The following HMCN1 variants were observed in gnomAD, a reference collection of about 807,000 sequenced individuals.
HMCN1 encodes the protein hemicentin-1.
Under a neutral mutation model 625.9 loss-of-function variants are expected in HMCN1, and 321 were observed. That is an observed-to-expected ratio of 0.51 (90% CI 0.47 to 0.56). The LOEUF is 0.56. Ranked by LOEUF, HMCN1 falls within the 20% of genes least tolerant of loss-of-function variation. HMCN1 has a pLI of 0.00. For synonymous variants in HMCN1, 2,425 were observed against 2,417.6 expected (o/e 1.00, Z -0.09); for missense variants, 6,588 against 6,887.3 (o/e 0.96, Z 1.54).
intron 6 of HMCN1, among the ~76,000 whole-genome samples, chr1:185,913,201 C>T (rs1427320489): frequency 6.6e-6 from 1 of 152,148 alleles, no homozygotes; most frequent in African/African-American, 2.4e-5. Flanking sequence ...GGTGAAAAGG[C>T]ATGTGAAAGA....
chr1:185,781,622 G>A lies in HMCN1; in HGVS notation c.268+46575G>A, dbSNP rs181492660. Among the ~76,000 whole-genome samples the A allele has an allele frequency of 7.4e-3, 1,126 of 152,300 alleles. 9 individuals are homozygous for A. The highest frequency in any genetic ancestry group is 9.9e-3 in the Non-Finnish European group (673 of 68,018). Reference sequence around the variant, plus strand: ...CGTTATGTACCCAGTGGTCATTCAGGAACAGGTTGTTCAGTTTCCATGTAG... The same window carrying A: ...CGTTATGTACCCAGTGGTCATTCAGAAACAGGTTGTTCAGTTTCCATGTAG... On this transcript the variant is annotated intron_variant, in intron 1 of 106. Transcript: ENST00000271588.
chr1:185,861,138 G>A (rs1397056858), intron 2 of HMCN1, among the ~76,000 whole-genome samples: 1 of 152,082 alleles, frequency 6.6e-6, no homozygotes, highest in Non-Finnish European at 1.5e-5. Flanking sequence ...TAATGTTTCA[G>A]GATTCCTAGG....
chr1:186,078,286 G>T, intron 55 of HMCN1, 66 bp downstream of exon 55: 3 of 1,156,800 alleles, frequency 2.6e-6, no homozygotes, highest in Non-Finnish European at 3.8e-6. Flanking sequence ...ACTAATGTTT[G>T]CAGGATGTTA....
chr1:185,792,202 C>T (rs779154046), intron 1 of HMCN1, among the ~76,000 whole-genome samples: 3 of 152,130 alleles, frequency 2.0e-5, no homozygotes, highest in Non-Finnish European at 4.4e-5. Flanking sequence ...GGGCCATCAC[C>T]ATGCTAATAA....
Position 186,088,762 on chromosome 1 carries a change from A to C in HMCN1, c.9727+7A>C, listed in dbSNP as rs1339705379. 6.2e-7 allele frequency: 1 copy of C among 1,602,720 alleles called. No individual in the cohort carries two copies. Among genetic ancestry groups the C allele is most frequent in the Admixed American group, 1.7e-5 (1 of 59,256 alleles). On this transcript the variant is annotated splice_region_variant and intron_variant, in intron 63 of 106. Transcript: ENST00000271588. ...TACTTTCTTTCAATTCAAGGTATGT[A>C]TTGTCCACTATGATCTATCTTCAAT...
chr1:185,833,487 T>A (rs1015170461), intron 1 of HMCN1, among the ~76,000 whole-genome samples: 2 of 152,234 alleles, frequency 1.3e-5, no homozygotes, highest in Non-Finnish European at 2.9e-5. Flanking sequence ...AGAAGTAGTG[T>A]GTTTGCCAGT....
At chr1:185,990,508 T>G in intron 22 of HMCN1, 65 bp downstream of exon 22, 3 of 1,388,712 alleles carry the variant, frequency 2.2e-6, no homozygotes, top group Non-Finnish European at 3.1e-6. Context: ...CAGATGGCCA[T>G]GCCTATTCAG....
chr1:185,964,194 AAATT>A (rs1419059873), intron 13 of HMCN1, among the ~76,000 whole-genome samples: 1 of 152,110 alleles, frequency 6.6e-6, no homozygotes, highest in Non-Finnish European at 1.5e-5. Context: ...TTTTACTTTT[AAATT>A]AATAAATTCT....
At chr1:185,823,576 C>T (rs1660329304) in intron 1 of HMCN1, among the ~76,000 whole-genome samples, 1 of 152,192 alleles carries the variant, frequency 6.6e-6, no homozygotes, top group South Asian at 2.1e-4. Flanking sequence ...CATGACCAGT[C>T]GGTCATGAGC....
chr1:185,989,005 C>CTTT (rs569764243), intron 20 of HMCN1, among the ~76,000 whole-genome samples: 29 of 117,552 alleles, frequency 2.5e-4, no homozygotes, highest in African/African-American at 5.2e-4. Context: ...ACTTTTAGTA[C>CTTT]TTTTTTTTTT....
At chr1:185,773,071 A>G (rs1656355211) in intron 1 of HMCN1, among the ~76,000 whole-genome samples, 1 of 152,184 alleles carries the variant, frequency 6.6e-6, no homozygotes, top group Admixed American at 6.5e-5. Context: ...TTCAGACCAC[A>G]GCAATGACCC....
At chr1:186,057,031 TCACACACACACA>T (rs59926356) in intron 45 of HMCN1, among the ~76,000 whole-genome samples, 191 bp from the exon 46 acceptor site, 16 of 147,932 alleles carry the variant, frequency 1.1e-4, no homozygotes, top group African/African-American at 2.5e-4. Flanking sequence ...TCCAGGAATG[TCACACACACACA>T]CACACACACA....
chr1:185,870,021 G>GTT (rs397944329), intron 4 of HMCN1, among the ~76,000 whole-genome samples: 98 of 128,518 alleles, frequency 7.6e-4, no homozygotes, highest in South Asian at 7.5e-4. Context: ...ACTGCGTTCT[G>GTT]TTTTTTTTTT....
At chr1:186,017,915 A>G (rs563926188) in intron 33 of HMCN1, among the ~76,000 whole-genome samples, 1 of 151,040 alleles carries the variant, frequency 6.6e-6, no homozygotes, top group East Asian at 1.9e-4. Context: ...TATCCTTTGT[A>G]TTACAAACAA....
chr1:185,879,442 G>C (rs1008802476), intron 4 of HMCN1, among the ~76,000 whole-genome samples: 1 of 152,102 alleles, frequency 6.6e-6, no homozygotes, highest in Non-Finnish European at 1.5e-5. Context: ...ATATTGTTGG[G>C]ATTAGAGGTG....
At chr1:185,965,281 G>A (rs989861694) in intron 13 of HMCN1, among the ~76,000 whole-genome samples, 2 of 152,066 alleles carry the variant, frequency 1.3e-5, no homozygotes, top group Non-Finnish European at 2.9e-5. Flanking sequence ...TTTAGGCTTG[G>A]ACTGCAAATA....
Position 185,995,012 on chromosome 1 carries a change from G to T in HMCN1, c.3703G>T (p.Asp1235Tyr). 6.2e-7 allele frequency: 1 copy of T among 1,613,818 alleles called. No individual in the cohort carries two copies. Among genetic ancestry groups the T allele is most frequent in the South Asian group, 1.1e-5 (1 of 91,060 alleles). Residue 1235 changes from aspartate (D) to tyrosine (Y), a missense_variant, in exon 24 of 107, where the codon GAT (aspartate) becomes TAT (tyrosine). Transcript: ENST00000271588. ...AAGCATCGACCAAGCCACGCCCTCA[G>T]ATGCTGGCATATATACATGTGTTGC... ...TLSIDQATPS[D>Y]AGIYTCVATN...
chr1:186,063,061 TGTGTGC>T (rs1467420852), intron 48 of HMCN1, among the ~76,000 whole-genome samples: 16 of 101,860 alleles, frequency 1.6e-4, no homozygotes, highest in African/African-American at 5.6e-4. Flanking sequence ...TGTGTGTGTG[TGTGTGC>T]ATATATATAT....
chr1:185,866,112 A>T (rs1663174257), intron 4 of HMCN1, among the ~76,000 whole-genome samples: 1 of 152,156 alleles, frequency 6.6e-6, no homozygotes, highest in South Asian at 2.1e-4. Context: ...GTTTAATTTT[A>T]TTGGAATCAA....
Sources: gnomAD v4.1 joint callset for allele counts (sites outside exome capture counted in the v4.1 genomes callset) on GRCh38, gnomAD v4.1.1 for gene constraint, MANE v1.5 for transcripts, NCBI Gene and HGNC (gene_info 2026-07-23, HGNC 2026-07-21) for gene names.